SGCD: variants seen among roughly 807,000 people sequenced by gnomAD.
SGCD encodes the protein delta-sarcoglycan.
SGCD carries 18 observed loss-of-function variants against 36.6 expected under a neutral mutation model. That is an observed-to-expected ratio of 0.49 (90% CI 0.34 to 0.73). The LOEUF (loss-of-function observed/expected upper bound fraction) is 0.73. Among genes scored for constraint, SGCD ranks in the 30% least tolerant of loss-of-function variants. The probability of loss-of-function intolerance (pLI) is 0.01; values close to 1 mark genes in which losing one functional copy is unlikely to be tolerated. For synonymous variants in SGCD, 133 were observed against 130.6 expected (o/e 1.02, Z -0.12); for missense variants, 387 against 346.7 (o/e 1.12, Z -0.92).
chr5:155,923,808 A>C (rs1361670676), intron 1 of SGCD, among the ~76,000 whole-genome samples: 1 of 152,200 alleles, frequency 6.6e-6, no homozygotes, highest in Non-Finnish European at 1.5e-5. Flanking sequence ...ACCTGTTTTA[A>C]CTAGTGAACA....
intron 3 of SGCD, among the ~76,000 whole-genome samples, chr5:156,388,959 G>A (rs1450158617): frequency 6.6e-6 from 1 of 152,154 alleles, no homozygotes; most frequent in Non-Finnish European, 1.5e-5. Context: ...TACTGGAAAT[G>A]TTTATTTGAT....
Position 156,737,675 on chromosome 5 carries a change from A to G in SGCD, c.576-19906A>G, listed in dbSNP as rs143179346. On this transcript the variant is annotated intron_variant, in intron 7 of 8. Transcript: ENST00000337851. ...GAAGGCTAGCATGGGGGATGAAGAG[A>G]GCACAGGGTGACCACTTGACTCAGT... 2.6e-5 allele frequency among the ~76,000 whole-genome samples: 4 copies of G among 152,250 alleles called. No individual in the cohort carries two copies. In the East Asian group the frequency reaches 7.7e-4, roughly 29 times the overall value.
chr5:156,556,810 A>G (rs925093785), intron 4 of SGCD, among the ~76,000 whole-genome samples: 1 of 152,146 alleles, frequency 6.6e-6, no homozygotes, highest in African/African-American at 2.4e-5. Context: ...ATAATGAGAG[A>G]ATTTTCATAG....
intron 3 of SGCD, among the ~76,000 whole-genome samples, chr5:156,429,206 G>A (rs1189440177): frequency 6.7e-6 from 1 of 150,366 alleles, no homozygotes; most frequent in Non-Finnish European, 1.5e-5. Context: ...ATATATTTAG[G>A]ACTGTGATAC....
At chr5:155,995,986 C>CAAAAAAAA (rs753195795) in intron 1 of SGCD, among the ~76,000 whole-genome samples, 2 of 46,234 alleles carry the variant, frequency 4.3e-5, no homozygotes, top group African/African-American at 1.1e-4. Flanking sequence ...CAGACCACAC[C>CAAAAAAAA]AAAAAAAAAA....
intron 1 of SGCD, among the ~76,000 whole-genome samples, chr5:155,896,627 C>G (rs148509420): frequency 0.012 from 1,739 of 148,062 alleles, 14 homozygotes; most frequent in Middle Eastern, 0.024. Flanking sequence ...GCCTGGGTGA[C>G]AGAGAGAGAC....
chr5:156,200,519 A>G (rs1319227712), intron 3 of SGCD, among the ~76,000 whole-genome samples: 3 of 152,162 alleles, frequency 2.0e-5, no homozygotes, highest in Non-Finnish European at 4.4e-5. Context: ...CTCAAAATCA[A>G]TTGAAGACCT....
intron 3 of SGCD, among the ~76,000 whole-genome samples, chr5:156,197,002 A>G (rs1764038262): frequency 6.6e-6 from 1 of 152,194 alleles, no homozygotes; most frequent in Admixed American, 6.5e-5. Context: ...ACATCTTTAT[A>G]CTGTTAATCA....
In SGCD at chr5:156,594,994, C is replaced by T; in HGVS notation, c.445C>T (p.Leu149Phe). ...FEVKTVSGKL[L>F]FSADNNEVVV... Reference sequence around the variant, plus strand: ...GGTAAAAACTGTTTCTGGAAAATTGCTCTTCTCTGCAGACAATAATGAAGT... The same window carrying T: ...GGTAAAAACTGTTTCTGGAAAATTGTTCTTCTCTGCAGACAATAATGAAGT... Residue 149 changes from leucine to phenylalanine, a missense_variant, in exon 6 of 9, where the codon CTC becomes TTC. Leu to Phe is a conservative substitution (Grantham distance 22). Coordinates refer to ENST00000337851, the MANE Select transcript of SGCD (RefSeq NM_000337.6). 6.2e-7 allele frequency: 1 copy of T among 1,612,348 alleles called. No individual in the cohort carries two copies. The highest frequency in any genetic ancestry group is 8.5e-7 in the Non-Finnish European group (1 of 1,178,784).
intron 1 of SGCD, among the ~76,000 whole-genome samples, chr5:155,953,046 C>CT (rs531179552): frequency 3.9e-5 from 6 of 152,064 alleles, no homozygotes; most frequent in Non-Finnish European, 8.8e-5. Context: ...CACAGAAAGG[C>CT]TTTTTTTAAT....
chr5:156,374,710 G>A (rs1284441198), intron 3 of SGCD, among the ~76,000 whole-genome samples: 2 of 140,034 alleles, frequency 1.4e-5, no homozygotes, highest in Non-Finnish European at 3.0e-5. Context: ...TGCCCAGGCT[G>A]GAGTGCAGTG....
At chr5:156,094,755 C>G (rs1761335140) in intron 1 of SGCD, among the ~76,000 whole-genome samples, 1 of 152,164 alleles carries the variant, frequency 6.6e-6, no homozygotes, top group South Asian at 2.1e-4. Flanking sequence ...ATACTCCCAG[C>G]ACTTTGGGAG....
chr5:156,372,516 C>T (rs550944031), intron 3 of SGCD, among the ~76,000 whole-genome samples: 3 of 152,302 alleles, frequency 2.0e-5, no homozygotes, highest in African/African-American at 7.2e-5. Flanking sequence ...ACCTCATCCT[C>T]CCTTTGGGCT....
chr5:156,029,417 T>C (rs1173609819), intron 1 of SGCD, among the ~76,000 whole-genome samples: 1 of 152,134 alleles, frequency 6.6e-6, no homozygotes, highest in African/African-American at 2.4e-5. Context: ...CATCCATTCA[T>C]TCATTCAAGA....
At chr5:156,686,498 G>A (rs2113695441) in intron 7 of SGCD, among the ~76,000 whole-genome samples, 1 of 152,294 alleles carries the variant, frequency 6.6e-6, no homozygotes. Context: ...GTAGAACCCT[G>A]ATGGATAGTC....
At chr5:155,903,702 A>G (rs967757783) in intron 1 of SGCD, among the ~76,000 whole-genome samples, 6 of 152,202 alleles carry the variant, frequency 3.9e-5, no homozygotes, top group African/African-American at 1.4e-4. Flanking sequence ...AATAAAATGT[A>G]ATTTAATAAA....
the SGCD span, among the ~76,000 whole-genome samples, chr5:155,805,774 T>C: frequency 6.6e-6 from 1 of 152,140 alleles, no homozygotes; most frequent in Non-Finnish European, 1.5e-5. Flanking sequence ...ATCAAAGAGC[T>C]TCAGGCATCT....
At chr5:155,899,307 A>G (rs1756334428) in intron 1 of SGCD, among the ~76,000 whole-genome samples, 1 of 152,154 alleles carries the variant, frequency 6.6e-6, no homozygotes, top group Admixed American at 6.5e-5. Flanking sequence ...AAATGATAAA[A>G]TTTACTGAAA....
chr5:156,169,798 G>A (rs1267252963), intron 3 of SGCD, among the ~76,000 whole-genome samples: 1 of 152,148 alleles, frequency 6.6e-6, no homozygotes, highest in Non-Finnish European at 1.5e-5. Flanking sequence ...TTGGCTTGTT[G>A]GAAGGACAAG....
Sources: allele counts gnomAD v4.1 joint callset (sites outside exome capture counted in the v4.1 genomes callset), GRCh38; gene constraint gnomAD v4.1.1; transcripts MANE v1.5; gene names NCBI Gene and HGNC (gene_info 2026-07-23, HGNC 2026-07-21).